Variants in STOX2 observed in about 807,000 individuals in gnomAD.
The protein encoded by STOX2 is storkhead-box protein 2.
A neutral mutation model predicts 60.9 loss-of-function variants in STOX2; 28 were observed. The ratio of observed to expected loss-of-function variants is 0.46; its 90% CI spans 0.34 to 0.63. STOX2 has a LOEUF of 0.63. Among genes scored for constraint, STOX2 ranks in the 30% least tolerant of loss-of-function variants. The probability of loss-of-function intolerance (pLI) is 0.01; values close to 1 mark genes in which losing one functional copy is unlikely to be tolerated. For synonymous variants in STOX2, 472 were observed against 463.9 expected, an observed-to-expected ratio of 1.02 and a Z score of -0.22; for missense variants, 1,024 against 1,187.7, an observed-to-expected ratio of 0.86 and a Z score of 2.03.
chr4:183,858,888 C>T (rs1171360339), intron 1 of STOX2, among the ~76,000 whole-genome samples: 1 of 151,966 alleles, frequency 6.6e-6, no homozygotes. Flanking sequence ...AAGCAATTTG[C>T]CCCTTCATCT....
At position 183,906,137 on chromosome 4, in the gene STOX2, T is replaced by C. The variant is rs1741590073; in HGVS notation, c.-654T>C. ...GCGCCCCCCGCTCGAGCCTCTGTGA[T>C]GAAGACTGTCTCCCGGGGACTGCAG... is the stretch of plus-strand genomic sequence containing the variant. On this transcript the variant is annotated 5_prime_UTR_variant, in exon 1 of 4. An upstream start codon of the reference 5' UTR is lost. Transcript: ENST00000308497. 1 of 152,278 alleles carries C rather than the reference T, an allele frequency of 6.6e-6. No individual in the cohort carries two copies. The highest frequency in any genetic ancestry group is 6.5e-5 in the Admixed American group (1 of 15,278). The allele number at this position is 152,278 out of a possible 1,614,324, so 9.4% of individuals were successfully genotyped here.
intron 1 of STOX2, among the ~76,000 whole-genome samples, chr4:183,871,494 G>A (rs188762347): frequency 3.5e-4 from 54 of 152,174 alleles, no homozygotes; most frequent in African/African-American, 1.3e-3. Flanking sequence ...TGGTATTTGT[G>A]AACAGGCTTT....
chr4:183,858,544 C>T (rs952232563), intron 1 of STOX2, among the ~76,000 whole-genome samples: 4 of 151,992 alleles, frequency 2.6e-5, no homozygotes, highest in African/African-American at 9.7e-5. Context: ...AAAAGTTACC[C>T]AAGTGGTTCA....
At chr4:183,876,624 C>T (rs577965213) in intron 1 of STOX2, among the ~76,000 whole-genome samples, 107 of 152,300 alleles carry the variant, frequency 7.0e-4, no homozygotes, top group African/African-American at 2.5e-3. Flanking sequence ...TGGAGGCAGC[C>T]GCTCAGGGTG....
intron 1 of STOX2, among the ~76,000 whole-genome samples, chr4:183,932,123 G>A (rs1742442005): frequency 6.6e-6 from 1 of 152,072 alleles, no homozygotes; most frequent in Non-Finnish European, 1.5e-5. Context: ...TAGCCGATGA[G>A]TAGGAAGGAG....
intron 1 of STOX2, among the ~76,000 whole-genome samples, chr4:183,855,450 G>A: frequency 6.6e-6 from 1 of 152,156 alleles, no homozygotes; most frequent in East Asian, 1.9e-4. Flanking sequence ...ATGGGCCCCA[G>A]TGTCCTAGAA....
In STOX2 at chr4:184,011,868, TATA is replaced by T. The variant is rs1170933010; in HGVS notation, c.2585+449_2585+451del. Among the ~76,000 whole-genome samples the T allele has an allele frequency of 3.3e-5, 5 of 152,068 alleles. No homozygotes were observed. The highest frequency in any genetic ancestry group is 3.3e-4 in the Admixed American group (5 of 15,272). ...AAGATAGGGGTCCCTGTAGTGAAAA[TATA>T]ATAGCAGATCTCAAAACCTCTCCAA... On this transcript the variant is annotated intron_variant, in intron 3 of 3. Coordinates refer to ENST00000308497, the MANE Select transcript of STOX2 (RefSeq NM_020225.3). This position sits in a 1 kb window ranked among gnomAD's most constrained non-coding sequence, Gnocchi z 4.4.
chr4:183,839,877 G>C (rs1020092029), intron 1 of STOX2, among the ~76,000 whole-genome samples: 2 of 152,156 alleles, frequency 1.3e-5, no homozygotes, highest in Non-Finnish European at 1.5e-5. Context: ...TAAACTTTCG[G>C]ATTTACAAAT....
chr4:183,819,200 G>A (rs540579996), intron 1 of STOX2, among the ~76,000 whole-genome samples: 16 of 152,236 alleles, frequency 1.1e-4, no homozygotes, highest in Middle Eastern at 6.8e-3. Flanking sequence ...AGGGGGCTGG[G>A]AGGTGGAGGT....
At chr4:183,989,169 GTTTTTTT>G (rs11421201) in intron 1 of STOX2, among the ~76,000 whole-genome samples, 3 of 80,010 alleles carry the variant, frequency 3.7e-5, no homozygotes, top group South Asian at 4.1e-4. Flanking sequence ...ATTTTTTCTG[GTTTTTTT>G]TTTTTTTTTT....
intron 3 of STOX2, among the ~76,000 whole-genome samples, chr4:184,012,158 T>A (rs1383880655): frequency 6.6e-6 from 1 of 152,222 alleles, no homozygotes; most frequent in Non-Finnish European, 1.5e-5. Flanking sequence ...AGTCAAGAGT[T>A]AGTGGTGCCC....
intron 1 of STOX2, among the ~76,000 whole-genome samples, chr4:183,987,427 C>G (rs1225084424): frequency 2.0e-5 from 3 of 152,132 alleles, no homozygotes; most frequent in Non-Finnish European, 4.4e-5. Context: ...GAGCGTGGCA[C>G]CCGTAGTGCA....
At chr4:183,810,093 C>T (rs1172190433) in intron 1 of STOX2, among the ~76,000 whole-genome samples, 1 of 152,132 alleles carries the variant, frequency 6.6e-6, no homozygotes, top group African/African-American at 2.4e-5. Flanking sequence ...TCCTTTTGAC[C>T]TTGTAACTAC....
chr4:183,891,520 T>C (rs540573293), intron 1 of STOX2, among the ~76,000 whole-genome samples: 54 of 151,150 alleles, frequency 3.6e-4, no homozygotes, highest in Admixed American at 2.0e-3. Flanking sequence ...GAAAACCAAA[T>C]GTTGTATGTT....
At chr4:183,943,872 G>C (rs1742815785) in intron 1 of STOX2, among the ~76,000 whole-genome samples, 1 of 152,074 alleles carries the variant, frequency 6.6e-6, no homozygotes, top group Non-Finnish European at 1.5e-5. Context: ...GCAAGACTCT[G>C]TCTCAAAGAA....
intron 1 of STOX2, among the ~76,000 whole-genome samples, chr4:183,892,646 G>A (rs1359791617): frequency 1.3e-5 from 2 of 152,300 alleles, no homozygotes; most frequent in South Asian, 2.1e-4. Context: ...ACTGCGTATC[G>A]TAGTTGCCGA....
chr4:184,003,591 C>T (rs543879591), intron 2 of STOX2, among the ~76,000 whole-genome samples: 174 of 152,350 alleles, frequency 1.1e-3, no homozygotes, highest in African/African-American at 4.0e-3. Context: ...AGTTTGCTAA[C>T]CTGCAGGCCT....
intron 1 of STOX2, among the ~76,000 whole-genome samples, chr4:183,847,213 A>G (rs906945429): frequency 2.0e-5 from 3 of 152,204 alleles, no homozygotes; most frequent in African/African-American, 7.2e-5. Context: ...GCTCAGTGCC[A>G]TCTCAGGTCT....
chr4:183,895,840 T>C (rs768303968), intron 1 of STOX2, among the ~76,000 whole-genome samples: 4 of 152,180 alleles, frequency 2.6e-5, no homozygotes, highest in Admixed American at 2.0e-4. Context: ...GCATTATTAA[T>C]ACAATGAGGT....
Sources: allele counts gnomAD v4.1 joint callset (sites outside exome capture counted in the v4.1 genomes callset), GRCh38; gene constraint gnomAD v4.1.1; non-coding constraint Gnocchi (gnomAD v3.1); transcripts MANE v1.5; gene names NCBI Gene and HGNC (gene_info 2026-07-23, HGNC 2026-07-21).